The following PTPRA variants were observed in gnomAD, a reference collection of about 807,000 sequenced individuals.
The protein encoded by PTPRA is receptor-type tyrosine-protein phosphatase alpha.
Under a neutral mutation model 104.8 loss-of-function variants are expected in PTPRA, and 25 were observed. That is an observed-to-expected ratio of 0.24 (90% CI 0.17 to 0.33). PTPRA has a LOEUF of 0.33. PTPRA is among the 10% of genes least tolerant of loss of function. The probability of loss-of-function intolerance (pLI) is 1.00; values close to 1 mark genes in which losing one functional copy is unlikely to be tolerated. For synonymous variants in PTPRA, 323 were observed against 368.9 expected (o/e 0.88, Z 1.43); for missense variants, 765 against 1,015.3 (o/e 0.75, Z 3.35).
At chr20:2,987,977 A>T (rs746234631) in intron 7 of PTPRA, 55 bp from the exon 8 acceptor site, 2 of 1,443,304 alleles carry the variant, frequency 1.4e-6, no homozygotes, top group Non-Finnish European at 2.0e-6. Context: ...CAGAGGTGTG[A>T]TTTGCCTCTC....
At position 3,037,336 on chromosome 20, in the gene PTPRA, C is replaced by G; in HGVS notation, c.2334+47C>G. ...CCCTGCCACCACACCACCTGCAGCC[C>G]TTCTCTCAGGGAGGAGGCTCTTCAG... On this transcript the variant is annotated intron_variant, in intron 23 of 23. Transcript: ENST00000399903. This position sits in a 1 kb window ranked among gnomAD's most constrained non-coding sequence, Gnocchi z 4.3. 6.2e-7 allele frequency: 1 copy of G among 1,605,376 alleles called. No individual in the cohort carries two copies. The highest frequency in any genetic ancestry group is 8.5e-7 in the Non-Finnish European group (1 of 1,175,866).
intron 3 of PTPRA, chr20:2,955,632 T>A: frequency 1.0e-6 from 1 of 985,356 alleles, no homozygotes. Flanking sequence ...GCTTGCCAGT[T>A]TTTCAAGCTG....
intron 1 of PTPRA, among the ~76,000 whole-genome samples, chr20:2,897,088 A>G (rs1012203158): frequency 6.6e-6 from 1 of 152,242 alleles, no homozygotes; most frequent in Non-Finnish European, 1.5e-5. Flanking sequence ...CAAGAGGTTC[A>G]TGTCAATTTG....
intron 6 of PTPRA, among the ~76,000 whole-genome samples, chr20:2,978,994 T>C (rs1300441948): frequency 6.6e-6 from 1 of 152,176 alleles, no homozygotes; most frequent in African/African-American, 2.4e-5. Flanking sequence ...GTCAGACACT[T>C]TGCAAATGTT....
At chr20:2,865,619 A>C in the PTPRA span, 1 of 883,278 alleles carries the variant, frequency 1.1e-6, no homozygotes, top group Admixed American at 2.6e-5. The surrounding 1 kb of genome is among the most constrained non-coding windows in gnomAD (Gnocchi z 5.2). Flanking sequence ...ATAGTTAGCG[A>C]GTGCTTCCTG....
At chr20:3,033,782 C>A (rs1219991484) in intron 20 of PTPRA, among the ~76,000 whole-genome samples, 1 of 151,580 alleles carries the variant, frequency 6.6e-6, no homozygotes, top group African/African-American at 2.4e-5. Context: ...TGCCTGTAAT[C>A]TCAGCTACTG....
intron 7 of PTPRA, among the ~76,000 whole-genome samples, chr20:2,987,344 C>T (rs1276278121): frequency 6.6e-6 from 1 of 151,924 alleles, no homozygotes; most frequent in African/African-American, 2.4e-5. Context: ...CAGGATCCCT[C>T]TTTCTAACCT....
At chr20:2,911,277 C>T (rs2059714802) in intron 1 of PTPRA, among the ~76,000 whole-genome samples, 1 of 152,064 alleles carries the variant, frequency 6.6e-6, no homozygotes, top group South Asian at 2.1e-4. Flanking sequence ...CTGTTGTATA[C>T]AAACCAATTT....
At chr20:2,963,108 GT>G (rs2147919048) in intron 3 of PTPRA, among the ~76,000 whole-genome samples, 1 of 152,270 alleles carries the variant, frequency 6.6e-6, no homozygotes, top group African/African-American at 2.4e-5. Flanking sequence ...ATGGTTCGAG[GT>G]GGAATAAAGG....
At chr20:3,034,412 G>A (rs1284870307) in intron 20 of PTPRA, among the ~76,000 whole-genome samples, 1 of 152,176 alleles carries the variant, frequency 6.6e-6, no homozygotes. Flanking sequence ...GGTTCTGATG[G>A]TTTTAAAGGC....
At chr20:2,912,050 C>T (rs2059743169) in intron 1 of PTPRA, among the ~76,000 whole-genome samples, 1 of 151,840 alleles carries the variant, frequency 6.6e-6, no homozygotes. Flanking sequence ...CGAGACAAGC[C>T]TGGGCAACCT....
At chr20:3,006,370 G>A (rs1296147660) in intron 10 of PTPRA, among the ~76,000 whole-genome samples, 2 of 151,872 alleles carry the variant, frequency 1.3e-5, no homozygotes, top group Admixed American at 1.3e-4. Flanking sequence ...TTAGACACAG[G>A]GTCTTGCTGT....
chr20:3,036,308 T>G (rs535854887), intron 22 of PTPRA, among the ~76,000 whole-genome samples: 1 of 152,308 alleles, frequency 6.6e-6, no homozygotes, highest in South Asian at 2.1e-4. Flanking sequence ...TAAAGAGGTT[T>G]GTTTGAGGGG....
intron 1 of PTPRA, among the ~76,000 whole-genome samples, chr20:2,916,286 G>A (rs1389488431): frequency 6.6e-6 from 1 of 152,082 alleles, no homozygotes; most frequent in African/African-American, 2.4e-5. Flanking sequence ...AGTAATCCAT[G>A]CCCACCTTGG....
chr20:3,027,284 G>A, intron 19 of PTPRA, 87 bp downstream of exon 19: 1 of 1,338,182 alleles, frequency 7.5e-7, no homozygotes, highest in East Asian at 2.3e-5. Context: ...TACCTGCTGG[G>A]GAGGATCATG....
Position 3,022,022 on chromosome 20 carries a change from G to A in PTPRA, c.1162-32G>A. The A allele has an allele frequency of 6.2e-7, 1 of 1,612,702 alleles. No individual in the cohort carries two copies. The highest frequency in any genetic ancestry group is 2.2e-5 in the East Asian group (1 of 44,868). On this transcript the variant is annotated intron_variant, in intron 14 of 23. Transcript: ENST00000399903. This position sits in a 1 kb window ranked among gnomAD's most constrained non-coding sequence, Gnocchi z 4.6. Reference sequence around the variant, plus strand: ...TGGTACTGCCCACCCTTGGGTATCAGGGCCAACACACAGGATCTCCTCACT... The same window carrying A: ...TGGTACTGCCCACCCTTGGGTATCAAGGCCAACACACAGGATCTCCTCACT...
chr20:3,024,723 G>C, intron 17 of PTPRA, 102 bp downstream of exon 17: 1 of 1,398,770 alleles, frequency 7.1e-7, no homozygotes, highest in African/African-American at 1.4e-5. Context: ...ATCCCCTTGT[G>C]AGGCATGCCA....
rs2060162185 is a variant in PTPRA at position 2,923,247 on chromosome 20, C to T, written c.-88C>T. 1 of 1,276,902 alleles carries T rather than the reference C, an allele frequency of 7.8e-7. No homozygotes were observed. The highest frequency in any genetic ancestry group is 1.0e-6 in the Non-Finnish European group (1 of 983,246). 79.1% of individuals were successfully genotyped at this position (1,276,902 alleles called of 1,614,324 possible). On this transcript the variant is annotated 5_prime_UTR_variant, in exon 2 of 24. Coordinates refer to ENST00000399903, the MANE Select transcript of PTPRA (RefSeq NM_001385305.1). The stretch of plus-strand genomic sequence containing the variant: ...AAAAACAAAGGTATTTATGGAATTC[C>T]ACTGAGTGGTAATGGATGATGCAGT...
chr20:2,885,996 G>A (rs1394261310), intron 1 of PTPRA, among the ~76,000 whole-genome samples: 7 of 152,278 alleles, frequency 4.6e-5, no homozygotes, highest in African/African-American at 1.4e-4. Context: ...CCCAGGAGGC[G>A]GAGGTTGCAG....
Sources: allele counts gnomAD v4.1 joint callset (sites outside exome capture counted in the v4.1 genomes callset), GRCh38; gene constraint gnomAD v4.1.1; non-coding constraint Gnocchi (gnomAD v3.1); transcripts MANE v1.5; gene names NCBI Gene and HGNC (gene_info 2026-07-23, HGNC 2026-07-21).